The following RAC2 variants were observed in gnomAD, a reference collection of about 807,000 sequenced individuals.
RAC2 encodes the protein Rac family small GTPase 2, also known as ras-related C3 botulinum toxin substrate 2.
In RAC2, 1 loss-of-function variant was observed where a neutral mutation model predicts 24.0. That is an observed-to-expected ratio of 0.04 (90% CI 0.01 to 0.20). The LOEUF is 0.20. RAC2 is among the 10% of genes least tolerant of loss of function. RAC2 has a pLI of 1.00. For synonymous variants in RAC2, 114 were observed against 106.8 expected (o/e 1.07, Z -0.41); for missense variants, 130 against 259.1 (o/e 0.50, Z 3.42).
Position 37,230,629 on chromosome 22 carries a change from G to C in RAC2, c.448+602C>G, listed in dbSNP as rs552084286. Among the ~76,000 whole-genome samples the C allele has an allele frequency of 2.6e-5, 4 of 152,290 alleles. No individual in the cohort carries two copies. The South Asian group carries it at 8.3e-4, about 32-fold the overall frequency. On this transcript the variant is annotated intron_variant, in intron 5 of 6. Coordinates refer to ENST00000249071, the MANE Select transcript of RAC2 (RefSeq NM_002872.5). ...GGCCACCTACTAGCTGGGTGACCTT[G>C]AGAAGTTACTATATTTCTCCAGCCC...
intron 5 of RAC2, among the ~76,000 whole-genome samples, chr22:37,228,959 A>G (rs739041): frequency 0.45 from 68,654 of 152,060 alleles, 16,099 homozygotes; most frequent in African/African-American, 0.59. Flanking sequence ...GGGTGCCCTG[A>G]GCTCAGCCCG....
At chr22:37,235,115 C>T (rs182168307) in intron 2 of RAC2, among the ~76,000 whole-genome samples, 2 of 152,174 alleles carry the variant, frequency 1.3e-5, no homozygotes, top group African/African-American at 2.4e-5. Flanking sequence ...CCAGGAAGTC[C>T]TCAGAGAACG....
At chr22:37,232,347 C>G in intron 3 of RAC2, 1 of 447,950 alleles carries the variant, frequency 2.2e-6, no homozygotes, top group Non-Finnish European at 4.1e-6. Context: ...ATTCTAGAGT[C>G]CATACTCCAA....
intron 3 of RAC2, 33 bp downstream of exon 3, chr22:37,232,768 G>T: frequency 6.4e-7 from 1 of 1,558,690 alleles, no homozygotes; most frequent in Non-Finnish European, 8.8e-7. Context: ...GACAGCAAAG[G>T]TCAGGACTGC....
Position 37,226,742 on chromosome 22 carries a change from G to C in RAC2, c.510C>G (p.Asp170Glu). 1.2e-6 allele frequency: 2 copies of C among 1,613,150 alleles called. No individual in the cohort carries two copies. Among genetic ancestry groups the C allele is most frequent in the South Asian group, 1.1e-5 (1 of 91,086 alleles). ...GGCACAGCACGGCCCGGATGGCCTCGTCGAACACGGTTTTCAGGCCTCTCT... is the reference window on the plus strand; with the variant it reads ...GGCACAGCACGGCCCGGATGGCCTCCTCGAACACGGTTTTCAGGCCTCTCT... ...LTQRGLKTVF[D>E]EAIRAVLCPQ... The change falls in exon 6 of 7, where the codon GAC (aspartate) becomes GAG (glutamate). Residue 170 changes from aspartate to glutamate, a missense_variant. Asp to Glu is a conservative substitution (Grantham distance 45, BLOSUM62 2). This residue lies in a region of RAC2 where 119 missense variants were observed against 192.1 expected (regional missense o/e 0.62). Coordinates refer to ENST00000249071, the MANE Select transcript of RAC2 (RefSeq NM_002872.5).
intron 5 of RAC2, among the ~76,000 whole-genome samples, chr22:37,230,701 T>G (rs1927033192): frequency 6.6e-6 from 1 of 151,166 alleles, no homozygotes; most frequent in South Asian, 2.1e-4. Context: ...CCAAAGGGAG[T>G]GGGGAAAGGG....
At chr22:37,241,097 A>C (rs1927374724) in intron 2 of RAC2, 1 of 771,926 alleles carries the variant, frequency 1.3e-6, no homozygotes, top group East Asian at 2.4e-5. Context: ...TCTGACACCA[A>C]CACGCTCCCT....
At chr22:37,239,446 A>G (rs989681555) in intron 2 of RAC2, among the ~76,000 whole-genome samples, 2 of 152,178 alleles carry the variant, frequency 1.3e-5, no homozygotes, top group East Asian at 3.8e-4. Flanking sequence ...GGGAAGGTAG[A>G]TCTGGTCGGG....
At chr22:37,241,124 CCCTGCCTCCGCAT>C (rs1438566488) in intron 2 of RAC2, 5 of 778,162 alleles carry the variant, frequency 6.4e-6, no homozygotes, top group Non-Finnish European at 1.2e-5. Context: ...CCGATGACAG[CCCTGCCTCCGCAT>C]CCTGCAATAG....
Position 37,231,451 on chromosome 22 carries a change from C to A in RAC2, c.289-61G>T, listed in dbSNP as rs1005898170. The A allele has an allele frequency of 6.5e-7, 1 of 1,530,618 alleles. No homozygotes were observed. The highest frequency in any genetic ancestry group is 1.4e-5 in the African/African-American group (1 of 73,220). The allele number at this position is 1,530,618 out of a possible 1,614,324, so 94.8% of individuals were successfully genotyped here. On this transcript the variant is annotated intron_variant, in intron 4 of 6. Transcript: ENST00000249071. This position sits in a 1 kb window ranked among gnomAD's most constrained non-coding sequence, Gnocchi z 5.5. ...GGTCAAGAGGGGGCGCGAGGCTGTG[C>A]GGGGATCAGAGGGAGTGTGAGGGTG... is the stretch of plus-strand genomic sequence containing the variant.
chr22:37,242,684 G>A (rs1221374215), intron 1 of RAC2, among the ~76,000 whole-genome samples: 3 of 152,216 alleles, frequency 2.0e-5, no homozygotes, highest in Admixed American at 6.5e-5. Flanking sequence ...CCCCTCCTCC[G>A]ATCAGATACA....
In RAC2 at chr22:37,231,511, C is replaced by A; in HGVS notation, c.289-121G>T. 1 of 906,942 alleles carries A rather than the reference C, an allele frequency of 1.1e-6. No homozygotes were observed. The allele number at this position is 906,942 out of a possible 1,614,324, so 56.2% of individuals were successfully genotyped here. On this transcript the variant is annotated intron_variant, in intron 4 of 6. Transcript: ENST00000249071. The surrounding 1 kb of genome is among the most constrained non-coding windows in gnomAD (Gnocchi z 5.5). ...GAGAGGCAGCAAGTTGCCAGAAGATCAGAGGTGGGCACGACGGTGAGGAGA... is the reference window on the plus strand; with the variant it reads ...GAGAGGCAGCAAGTTGCCAGAAGATAAGAGGTGGGCACGACGGTGAGGAGA...
rs373879011 is a variant in RAC2 at position 37,244,172 on chromosome 22, C to G, written c.-24G>C. ...ATCGTGTCCGGAGCCTGGAGAGTGT[C>G]GGTGGTGACAGCTCAGGGCCAGGCG... On this transcript the variant is annotated 5_prime_UTR_variant, in exon 1 of 7. Transcript: ENST00000249071. The G allele has an allele frequency of 6.2e-7, 1 of 1,613,450 alleles. No homozygotes were observed. Among genetic ancestry groups the G allele is most frequent in the Admixed American group, 1.7e-5 (1 of 59,956 alleles).
chr22:37,229,588 G>A (rs1282641420), intron 5 of RAC2, among the ~76,000 whole-genome samples: 2 of 152,160 alleles, frequency 1.3e-5, no homozygotes, highest in South Asian at 2.1e-4. Flanking sequence ...GAGTCCAGGT[G>A]GGCAGAGGCA....
At chr22:37,240,978 C>A (rs190487991) in intron 2 of RAC2, 2 of 712,952 alleles carry the variant, frequency 2.8e-6, no homozygotes, top group Non-Finnish European at 5.2e-6. Flanking sequence ...CCATCAGGAG[C>A]CTTGAGTGCC....
intron 3 of RAC2, 137 bp from the exon 4 acceptor site, chr22:37,232,131 G>A: frequency 1.2e-6 from 1 of 869,260 alleles, no homozygotes; most frequent in Admixed American, 2.1e-5. Flanking sequence ...GATCTGGGCA[G>A]AGCAGAGATA....
At position 37,238,796 on chromosome 22, in the gene RAC2, G is replaced by A. The variant is rs12484515; in HGVS notation, c.107+2791C>T. Among the ~76,000 whole-genome samples the A allele has an allele frequency of 6.1e-3, 933 of 152,342 alleles. 31 individuals are homozygous for A. Among genetic ancestry groups the A allele is most frequent in the Admixed American group, 0.05 (764 of 15,308 alleles). ...ATAGGGTCTATACAACAGAGCAGGC[G>A]GCAAGAGCCAATCACGGTGCAGCCC... On this transcript the variant is annotated intron_variant, in intron 2 of 6. Transcript: ENST00000249071.
intron 2 of RAC2, among the ~76,000 whole-genome samples, chr22:37,234,912 T>C (rs1927177563): frequency 6.6e-6 from 1 of 152,212 alleles, no homozygotes; most frequent in Non-Finnish European, 1.5e-5. Context: ...TTCGTCGTCC[T>C]CTACCTGTAA....
At chr22:37,237,797 G>A (rs780026636) in intron 2 of RAC2, among the ~76,000 whole-genome samples, 3 of 152,060 alleles carry the variant, frequency 2.0e-5, no homozygotes, top group Non-Finnish European at 4.4e-5. Context: ...AGGGAGTGAG[G>A]CAGATAAGGG....
Sources: gnomAD v4.1 joint callset for allele counts (sites outside exome capture counted in the v4.1 genomes callset) on GRCh38, gnomAD v4.1.1 for gene constraint, gnomAD v4.1.1 regional missense constraint, Gnocchi (gnomAD v3.1) non-coding constraint, MANE v1.5 for transcripts, NCBI Gene and HGNC (gene_info 2026-07-23, HGNC 2026-07-21) for gene names.